SLC22A5: variants seen among roughly 807,000 people sequenced by gnomAD.
SLC22A5 encodes the protein organic cation/carnitine transporter 2.
Under a neutral mutation model 56.7 loss-of-function variants are expected in SLC22A5, and 44 were observed. The ratio of observed to expected loss-of-function variants is 0.78; its 90% CI spans 0.61 to 1.00. The LOEUF is 1.00. Among genes scored for constraint, SLC22A5 ranks in the 50% least tolerant of loss-of-function variants. The pLI, the probability that SLC22A5 is intolerant of heterozygous loss-of-function variation, is 0.00. For missense variants in SLC22A5, 675 were observed against 723.0 expected, an observed-to-expected ratio of 0.93 and a Z score of 0.76; for synonymous variants, 278 against 292.1, an observed-to-expected ratio of 0.95 and a Z score of 0.49.
rs756473868 is a variant in SLC22A5 at position 132,390,888 on chromosome 5, G to A, written c.1251G>A (p.Met417Ile). The change falls in exon 7 of 10, where the codon ATG becomes ATA. Residue 417 changes from methionine to isoleucine, a missense_variant. By Grantham distance (10) the Met-to-Ile change is conservative. Transcript: ENST00000245407. ...LFLGGSVLLF[M>I]QLVPPDLYYL... ...TGGGTGGCAGTGTCCTTCTCTTCAT[G>A]CAGCTGGTACCCCCAGGTAGGGACC... 3.1e-6 allele frequency: 5 copies of A among 1,613,958 alleles called. No homozygotes were observed. Among genetic ancestry groups the A allele is most frequent in the Admixed American group, 3.3e-5 (2 of 60,000 alleles).
intron 1 of SLC22A5, chr5:132,377,876 G>C (rs1752202075): frequency 2.3e-6 from 1 of 429,848 alleles, no homozygotes; most frequent in East Asian, 4.2e-5. Flanking sequence ...ATTGGCCCAG[G>C]GTGGGAACCC....
intron 1 of SLC22A5, chr5:132,377,963 C>CA: frequency 1.3e-6 from 1 of 769,608 alleles, no homozygotes. Flanking sequence ...CGTAGAGCCC[C>CA]AGAGCCCTGC....
At position 132,387,153 on chromosome 5, in the gene SLC22A5, T is replaced by C; in HGVS notation, c.951+2T>C. Reference sequence around the variant, plus strand: ...TCCACTATCTTTGACCCGAGTGAGGTAAGCACCATGTGGGTGTGGGTGAGA... The same window carrying C: ...TCCACTATCTTTGACCCGAGTGAGGCAAGCACCATGTGGGTGTGGGTGAGA... On this transcript the variant is annotated splice_donor_variant, in intron 5 of 9. Coordinates refer to ENST00000245407, the MANE Select transcript of SLC22A5 (RefSeq NM_003060.4). LOFTEE classifies it high-confidence loss of function. The C allele has an allele frequency of 6.2e-7, 1 of 1,614,044 alleles. No individual in the cohort carries two copies. The highest frequency in any genetic ancestry group is 8.5e-7 in the Non-Finnish European group (1 of 1,179,994).
chr5:132,393,710 G>A lies in SLC22A5; in HGVS notation c.1485G>A (p.Met495Ile). Reference sequence around the variant, plus strand: ...ACCGCTTCCTGCCCTACATTCTCATGGGAAGTCTGACCATCCTGACAGCCA... The same window carrying A: ...ACCGCTTCCTGCCCTACATTCTCATAGGAAGTCTGACCATCCTGACAGCCA... The part of the protein sequence containing the change: ...AYDRFLPYIL[M>I]GSLTILTAIL... Residue 495 changes from methionine (M) to isoleucine (I), a missense_variant, in exon 9 of 10, where the codon ATG (methionine) becomes ATA (isoleucine). By Grantham distance (10) the Met-to-Ile change is conservative. Coordinates refer to ENST00000245407, the MANE Select transcript of SLC22A5 (RefSeq NM_003060.4). The A allele has an allele frequency of 1.2e-6, 2 of 1,614,136 alleles. No homozygotes were observed. The highest frequency in any genetic ancestry group is 1.7e-6 in the Non-Finnish European group (2 of 1,180,008).
intron 1 of SLC22A5, chr5:132,376,408 G>C (rs2126773319): frequency 6.6e-6 from 1 of 152,388 alleles, no homozygotes; most frequent in African/African-American, 2.4e-5. Context: ...GGGGCTAAGG[G>C]AGCCTGAGAG....
At chr5:132,389,226 T>C (rs927594107) in intron 6 of SLC22A5, 4 of 555,972 alleles carry the variant, frequency 7.2e-6, no homozygotes, top group East Asian at 3.3e-5. Context: ...ATGAAAACAA[T>C]TGTGGAGGCT....
chr5:132,393,180 G>A (rs180936414), intron 8 of SLC22A5, among the ~76,000 whole-genome samples: 45 of 152,270 alleles, frequency 3.0e-4, no homozygotes, highest in African/African-American at 1.0e-3. Context: ...CCTCTTTAGG[G>A]AGGGTGGCAC....
At chr5:132,372,420 A>G (rs868046337) in intron 1 of SLC22A5, among the ~76,000 whole-genome samples, 29 of 152,140 alleles carry the variant, frequency 1.9e-4, no homozygotes, top group African/African-American at 7.0e-4. Flanking sequence ...TTGGAGTTTT[A>G]CATTGACCCC....
intron 1 of SLC22A5, chr5:132,377,099 A>G (rs1424476796): frequency 6.6e-6 from 1 of 152,294 alleles, no homozygotes; most frequent in Non-Finnish European, 1.5e-5. Flanking sequence ...ATCCAGGTTC[A>G]CGCTTATTCC....
chr5:132,373,850 T>C (rs1226782362), intron 1 of SLC22A5, among the ~76,000 whole-genome samples: 1 of 152,080 alleles, frequency 6.6e-6, no homozygotes, highest in East Asian at 1.9e-4. Flanking sequence ...ACCTGGGTTG[T>C]TTCTGAGGTT....
intron 5 of SLC22A5, chr5:132,387,869 T>G (rs971900058): frequency 1.3e-5 from 2 of 156,054 alleles, no homozygotes; most frequent in Non-Finnish European, 2.8e-5. Flanking sequence ...TATGAGAGGT[T>G]AGAAGCTGTA....
rs369153554 is a variant in SLC22A5 at position 132,386,934 on chromosome 5, A to G, written c.825-91A>G. 9 of 1,391,672 alleles carry G rather than the reference A, an allele frequency of 6.5e-6. No homozygotes were observed. In the East Asian group the frequency reaches 1.4e-4, roughly 21 times the overall value. The allele number at this position is 1,391,672 out of a possible 1,614,324, so 86.2% of individuals were successfully genotyped here. Reference sequence around the variant, plus strand: ...ACATTCCACAAGCTCTGGTTCTGCAACCTTATTCCCACCTATGGCTGTGCT... The same window carrying G: ...ACATTCCACAAGCTCTGGTTCTGCAGCCTTATTCCCACCTATGGCTGTGCT... On this transcript the variant is annotated intron_variant, in intron 4 of 9. Coordinates refer to ENST00000245407, the MANE Select transcript of SLC22A5 (RefSeq NM_003060.4).
rs1752844678 is a variant in SLC22A5 at position 132,395,547 on chromosome 5, G to A, written c.*1275G>A. ...GTTAAAAAAGAACAAACATGTTTTT[G>A]TGAAAGCTACTGAAGTGCCTTGGGA... On this transcript the variant is annotated 3_prime_UTR_variant, in exon 10 of 10. Coordinates refer to ENST00000245407, the MANE Select transcript of SLC22A5 (RefSeq NM_003060.4). 1 of 152,748 alleles carries A rather than the reference G, an allele frequency of 6.5e-6. No homozygotes were observed. Among genetic ancestry groups the A allele is most frequent in the Admixed American group, 6.5e-5 (1 of 15,280 alleles). 9.5% of individuals were successfully genotyped at this position (152,748 alleles called of 1,614,324 possible). A position where few individuals can be genotyped will look rare whatever the true frequency, so the allele number is the denominator to read the frequency against.
chr5:132,371,812 C>T (rs1216860994), intron 1 of SLC22A5, among the ~76,000 whole-genome samples: 7 of 151,930 alleles, frequency 4.6e-5, no homozygotes, highest in Non-Finnish European at 8.8e-5. Context: ...GGGAGAGTGC[C>T]ACAGGCCCTG....
Position 132,369,888 on chromosome 5 carries a change from T to C in SLC22A5, c.-85T>C, listed in dbSNP as rs1751815390. 1 of 1,543,842 alleles carries C rather than the reference T, an allele frequency of 6.5e-7. No homozygotes were observed. Among genetic ancestry groups the C allele is most frequent in the African/African-American group, 1.4e-5 (1 of 73,352 alleles). On this transcript the variant is annotated 5_prime_UTR_variant, in exon 1 of 10. Coordinates refer to ENST00000245407, the MANE Select transcript of SLC22A5 (RefSeq NM_003060.4). ...GTCGCCTGCTGCCTGGCTTGCCTGG[T>C]CGGCGGCGGGTGCCCCGCGCGCACG...
rs953929968 is a variant in SLC22A5, at chr5:132,394,155, T to G, written c.1587-30T>G. ...CTGGGAGGCATCTTTTTAAAATGTG[T>G]TACTGACATATTTTTGCTTGTTTTT... On this transcript the variant is annotated intron_variant, in intron 9 of 9. Coordinates refer to ENST00000245407, the MANE Select transcript of SLC22A5 (RefSeq NM_003060.4). 5 of 1,408,388 alleles carry G rather than the reference T, an allele frequency of 3.6e-6. No individual in the cohort carries two copies. In the African/African-American group the frequency reaches 7.1e-5, roughly 20 times the overall value. 87.2% of individuals were successfully genotyped at this position (1,408,388 alleles called of 1,614,324 possible).
At chr5:132,393,923 C>T in intron 9 of SLC22A5, 112 bp downstream of exon 9, 1 of 1,279,940 alleles carries the variant, frequency 7.8e-7, no homozygotes, top group Non-Finnish European at 1.1e-6. Context: ...ACACCATGGA[C>T]TAGTTTAGCC....
At chr5:132,388,776 A>G (rs938597643) in intron 5 of SLC22A5, 145 bp from the exon 6 acceptor site, 1 of 695,264 alleles carries the variant, frequency 1.4e-6, no homozygotes, top group Admixed American at 2.0e-5. Context: ...AAACACAGTC[A>G]GTATACTTAC....
rs750736082 is a variant in SLC22A5 at position 132,370,953 on chromosome 5, C to CTTTTTTTTTTTTTTT, written c.393+600_393+601insTTTTTTTTTTTTTTT. Among the ~76,000 whole-genome samples the CTTTTTTTTTTTTTTT allele has an allele frequency of 1.2e-3, 155 of 133,764 alleles. 4 individuals are homozygous for CTTTTTTTTTTTTTTT. The highest frequency in any genetic ancestry group is 5.4e-3 in the East Asian group (22 of 4,066). 87.8% of individuals were successfully genotyped at this position (133,764 alleles called of 152,430 possible). A position where few individuals can be genotyped will look rare whatever the true frequency, so the allele number is the denominator to read the frequency against. On this transcript the variant is annotated intron_variant, in intron 1 of 9. Transcript: ENST00000245407. ...CCTTTTCCCATGGTCAGTTGTCAGT[C>CTTTTTTTTTTTTTTT]TTTTTTTTTTTTGAGACAGAGTCTC...
Sources: allele counts gnomAD v4.1 joint callset (sites outside exome capture counted in the v4.1 genomes callset), GRCh38; gene constraint gnomAD v4.1.1; transcripts MANE v1.5; gene names NCBI Gene and HGNC (gene_info 2026-07-23, HGNC 2026-07-21).